The following LRRTM4 variants were observed in gnomAD, a reference collection of about 807,000 sequenced individuals.
LRRTM4 encodes the protein leucine rich repeat transmembrane neuronal 4.
In LRRTM4, 25 loss-of-function variants were observed where a neutral mutation model predicts 47.6. That is an observed-to-expected ratio of 0.53 (90% confidence interval 0.38 to 0.73). The LOEUF (loss-of-function observed/expected upper bound fraction) is 0.73, where lower values mean the gene tolerates loss of function less well. LRRTM4 is among the 30% of genes least tolerant of loss of function. LRRTM4 has a pLI of 0.00. For missense variants in LRRTM4, 638 were observed against 713.4 expected, an observed-to-expected ratio of 0.89 and a Z score of 1.20; for synonymous variants, 311 against 269.5, an observed-to-expected ratio of 1.15 and a Z score of -1.51.
At chr2:76,907,783 A>G (rs1227441983) in intron 3 of LRRTM4, among the ~76,000 whole-genome samples, 2 of 133,080 alleles carry the variant, frequency 1.5e-5, no homozygotes, top group Admixed American at 7.8e-5. Flanking sequence ...CTCTCCCAAG[A>G]CTAAACCAGG....
chr2:77,184,505 G>C (rs1478957482), intron 3 of LRRTM4, among the ~76,000 whole-genome samples: 2 of 152,080 alleles, frequency 1.3e-5, no homozygotes, highest in Non-Finnish European at 2.9e-5. Flanking sequence ...AAATTCAAAA[G>C]AAGTGGAATT....
chr2:76,800,511 C>T (rs1675608125), intron 3 of LRRTM4, among the ~76,000 whole-genome samples: 2 of 146,920 alleles, frequency 1.4e-5, no homozygotes, highest in Admixed American at 6.9e-5. Context: ...TAGAAGAAAA[C>T]CTAGGCATTA....
At chr2:76,963,758 T>C (rs1167923515) in intron 3 of LRRTM4, among the ~76,000 whole-genome samples, 1 of 150,842 alleles carries the variant, frequency 6.6e-6, no homozygotes, top group African/African-American at 2.4e-5. Context: ...TTGTTTATAA[T>C]AGTGAAAAAT....
chr2:76,911,048 T>C (rs1442806476), intron 3 of LRRTM4, among the ~76,000 whole-genome samples: 3 of 152,216 alleles, frequency 2.0e-5, no homozygotes, highest in Non-Finnish European at 2.9e-5. Flanking sequence ...AATTCCATTT[T>C]GATTCATAAT....
At position 77,276,570 on chromosome 2, in the gene LRRTM4, G is replaced by A. The variant is rs188903278; in HGVS notation, c.1551+241748C>T. On this transcript the variant is annotated intron_variant, in intron 3 of 3. Transcript: ENST00000409884. ...CTCCAACTCCAATGCATTTATTATC[G>A]TCTTGCATAATTAGTGCTAAATAAA... is the stretch of plus-strand genomic sequence containing the variant. Among the ~76,000 whole-genome samples, 724 of 149,294 alleles carry A rather than the reference G, an allele frequency of 4.8e-3. 6 individuals are homozygous for A. The highest frequency in any genetic ancestry group is 0.017 in the African/African-American group (691 of 40,822).
chr2:77,504,631 G>A (rs548850282), intron 3 of LRRTM4, among the ~76,000 whole-genome samples: 1 of 151,490 alleles, frequency 6.6e-6, no homozygotes, highest in South Asian at 2.1e-4. Flanking sequence ...GAACGTTGAG[G>A]CATTTACAAT....
chr2:77,462,519 G>C (rs1436917830), intron 3 of LRRTM4, among the ~76,000 whole-genome samples: 2 of 151,908 alleles, frequency 1.3e-5, no homozygotes, highest in South Asian at 4.1e-4. Flanking sequence ...TCACCAATCA[G>C]TTAATAAACC....
chr2:77,240,933 C>A (rs1274470751), intron 3 of LRRTM4, among the ~76,000 whole-genome samples: 1 of 151,832 alleles, frequency 6.6e-6, no homozygotes, highest in Admixed American at 6.6e-5. Context: ...AGATATGGAT[C>A]ACGCTTATAG....
intron 3 of LRRTM4, among the ~76,000 whole-genome samples, chr2:77,160,219 T>C (rs559711971): frequency 6.6e-6 from 1 of 152,320 alleles, no homozygotes; most frequent in South Asian, 2.1e-4. Context: ...AAAGTTTTCA[T>C]TTCTGGCTTG....
intron 3 of LRRTM4, among the ~76,000 whole-genome samples, chr2:77,415,558 A>G (rs1674605235): frequency 6.6e-6 from 1 of 152,180 alleles, no homozygotes; most frequent in South Asian, 2.1e-4. Context: ...CTCTATGGAA[A>G]CTTTTGCACA....
Position 77,519,893 on chromosome 2 carries a change from C to A in LRRTM4, c.5-29G>T. ...CGATATTAAAAAAAAGACAGATGCA[C>A]ATTGTGAAGCTATTAAAATAAATCA... On this transcript the variant is annotated intron_variant, in intron 2 of 3. Transcript: ENST00000409884. The surrounding 1 kb of genome is among the most constrained non-coding windows in gnomAD (Gnocchi z 4.6). 1 of 1,522,210 alleles carries A rather than the reference C, an allele frequency of 6.6e-7. No individual in the cohort carries two copies. The highest frequency in any genetic ancestry group is 8.8e-7 in the Non-Finnish European group (1 of 1,134,306). The allele number at this position is 1,522,210 out of a possible 1,614,324, so 94.3% of individuals were successfully genotyped here.
chr2:77,036,127 A>T (rs1189780459), intron 3 of LRRTM4, among the ~76,000 whole-genome samples: 1 of 151,876 alleles, frequency 6.6e-6, no homozygotes, highest in African/African-American at 2.4e-5. Flanking sequence ...GCTTGCAGAC[A>T]TAATGTAGAC....
At chr2:76,839,588 A>G (rs957639005) in intron 3 of LRRTM4, among the ~76,000 whole-genome samples, 1 of 152,098 alleles carries the variant, frequency 6.6e-6, no homozygotes, top group Non-Finnish European at 1.5e-5. Context: ...TTTCTAATCT[A>G]TCATTCTTGT....
At chr2:76,900,694 CACTTT>C (rs1443588284) in intron 3 of LRRTM4, among the ~76,000 whole-genome samples, 3 of 152,078 alleles carry the variant, frequency 2.0e-5, no homozygotes, top group Admixed American at 1.3e-4. Context: ...AAAAATGGGA[CACTTT>C]ACTTTCATAA....
At chr2:77,073,606 A>T in intron 3 of LRRTM4, among the ~76,000 whole-genome samples, 1 of 152,202 alleles carries the variant, frequency 6.6e-6, no homozygotes, top group South Asian at 2.1e-4. Flanking sequence ...ACACCAAAAG[A>T]TATTATTGAT....
chr2:77,201,901 C>T (rs750357252), intron 3 of LRRTM4, among the ~76,000 whole-genome samples: 36 of 152,058 alleles, frequency 2.4e-4, no homozygotes, highest in Non-Finnish European at 3.7e-4. Context: ...AGGATGTCAT[C>T]GATGCTATTT....
chr2:77,374,882 A>AT (rs929661281), intron 3 of LRRTM4, among the ~76,000 whole-genome samples: 27 of 151,140 alleles, frequency 1.8e-4, no homozygotes, highest in Admixed American at 6.0e-4. Context: ...AAAGTTACTA[A>AT]TTTTTTTTTC....
chr2:77,192,585 A>C (rs1303790213), intron 3 of LRRTM4, among the ~76,000 whole-genome samples: 1 of 141,720 alleles, frequency 7.1e-6, no homozygotes, highest in Non-Finnish European at 1.6e-5. Flanking sequence ...AACCACACTA[A>C]ACCTATTTTT....
chr2:77,238,970 C>T (rs1675186897), intron 3 of LRRTM4, among the ~76,000 whole-genome samples: 3 of 151,634 alleles, frequency 2.0e-5, no homozygotes, highest in Admixed American at 1.3e-4. Flanking sequence ...TAATGTACCT[C>T]ATAAGTATAT....
Sources: gnomAD v4.1 joint callset for allele counts (sites outside exome capture counted in the v4.1 genomes callset) on GRCh38, gnomAD v4.1.1 for gene constraint, Gnocchi (gnomAD v3.1) non-coding constraint, MANE v1.5 for transcripts, NCBI Gene and HGNC (gene_info 2026-07-23, HGNC 2026-07-21) for gene names.